The following ELAVL2 variants were observed in gnomAD, a reference collection of about 807,000 sequenced individuals.
The protein encoded by ELAVL2 is ELAV like RNA binding protein 2.
In ELAVL2, 4 loss-of-function variants were observed where a neutral mutation model predicts 34.6. That is an observed-to-expected ratio of 0.12 (90% CI 0.06 to 0.26). ELAVL2 has a LOEUF of 0.26. Ranked by LOEUF, ELAVL2 falls within the 10% of genes least tolerant of loss-of-function variation. The probability of loss-of-function intolerance (pLI) is 1.00; values close to 1 mark genes in which losing one functional copy is unlikely to be tolerated. For synonymous variants in ELAVL2, 193 were observed against 154.8 expected, an observed-to-expected ratio of 1.25 and a Z score of -1.83; for missense variants, 432 against 442.8, an observed-to-expected ratio of 0.98 and a Z score of 0.22.
At chr9:23,783,506 T>G in intron 1 of ELAVL2, 1 of 985,428 alleles carries the variant, frequency 1.0e-6, no homozygotes, top group Non-Finnish European at 1.2e-6. Context: ...AATAAAGGCA[T>G]CAGGAATTCT....
At chr9:23,755,445 C>A (rs1038437893) in intron 2 of ELAVL2, among the ~76,000 whole-genome samples, 1 of 151,906 alleles carries the variant, frequency 6.6e-6, no homozygotes, top group Non-Finnish European at 1.5e-5. Flanking sequence ...AGTGATAACA[C>A]CAAATTTTTT....
chr9:23,720,947 CA>C (rs1033693078), intron 3 of ELAVL2, among the ~76,000 whole-genome samples: 35 of 152,120 alleles, frequency 2.3e-4, no homozygotes, highest in African/African-American at 8.0e-4. Context: ...TCAACCACCC[CA>C]CCCCACTGAT....
chr9:23,720,708 C>T (rs1010216546), intron 3 of ELAVL2, among the ~76,000 whole-genome samples: 5 of 151,700 alleles, frequency 3.3e-5, no homozygotes, highest in South Asian at 2.1e-4. Context: ...TTGATGTAAC[C>T]GACAAATGAA....
chr9:23,781,518 CTTTTTT>C (rs34293408), intron 1 of ELAVL2, among the ~76,000 whole-genome samples: 19 of 135,812 alleles, frequency 1.4e-4, no homozygotes, highest in African/African-American at 4.9e-4. Flanking sequence ...TTTTTCTTTC[CTTTTTT>C]TTTTTTTTTT....
At chr9:23,773,127 CAAAGTGAGGA>C (rs1161708259) in intron 1 of ELAVL2, among the ~76,000 whole-genome samples, 1 of 152,042 alleles carries the variant, frequency 6.6e-6, no homozygotes, top group African/African-American at 2.4e-5. Context: ...TCAGTGATTC[CAAAGTGAGGA>C]AAGGGTTGCT....
intron 2 of ELAVL2, among the ~76,000 whole-genome samples, chr9:23,755,725 C>T (rs573489222): frequency 6.6e-6 from 1 of 152,244 alleles, no homozygotes; most frequent in South Asian, 2.1e-4. Context: ...ATCTCCTTTC[C>T]TACAGACCTA....
At chr9:23,799,470 C>A (rs1338286837) in intron 1 of ELAVL2, among the ~76,000 whole-genome samples, 1 of 152,222 alleles carries the variant, frequency 6.6e-6, no homozygotes. Context: ...TGTACTCTTA[C>A]TCCACCCCAC....
At chr9:23,724,388 T>C (rs1002725944) in intron 3 of ELAVL2, among the ~76,000 whole-genome samples, 11 of 152,132 alleles carry the variant, frequency 7.2e-5, no homozygotes, top group Non-Finnish European at 1.6e-4. Context: ...CAATTAACTC[T>C]CACTTTGGAG....
intron 2 of ELAVL2, among the ~76,000 whole-genome samples, chr9:23,740,297 G>A (rs1213945330): frequency 1.3e-5 from 2 of 152,148 alleles, no homozygotes; most frequent in Non-Finnish European, 2.9e-5. Context: ...TCACCACAAG[G>A]CTACATGTAA....
chr9:23,771,899 C>T (rs1368715929), intron 1 of ELAVL2, among the ~76,000 whole-genome samples: 1 of 152,192 alleles, frequency 6.6e-6, no homozygotes, highest in Non-Finnish European at 1.5e-5. Flanking sequence ...CTGGAATACA[C>T]TAAATCATTA....
At chr9:23,766,396 T>C (rs577317181) in intron 1 of ELAVL2, among the ~76,000 whole-genome samples, 1 of 152,160 alleles carries the variant, frequency 6.6e-6, no homozygotes, top group Non-Finnish European at 1.5e-5. Flanking sequence ...TAAGACTACA[T>C]GAGCAGGACC....
In ELAVL2 at chr9:23,719,823, C is replaced by CTT. The variant is rs201455930; in HGVS notation, c.333+11197_333+11198dup. 2.6e-3 allele frequency among the ~76,000 whole-genome samples: 336 copies of CTT among 130,486 alleles called. 3 individuals carry two copies. The highest frequency in any genetic ancestry group is 5.3e-3 in the East Asian group (24 of 4,506). The allele number at this position is 130,486 out of a possible 152,430, so 85.6% of individuals were successfully genotyped here. ...AATTTTTATTAAATTTTAAAAGCCA[C>CTT]TTTTTTTTTTTTTTTTTTGAGATGG... On this transcript the variant is annotated intron_variant, in intron 3 of 6. Coordinates refer to ENST00000397312, the MANE Select transcript of ELAVL2 (RefSeq NM_004432.5).
Position 23,762,157 on chromosome 9 carries a change from C to T in ELAVL2, c.78G>A (p.Ser26=), listed in dbSNP as rs1453909653. 1.9e-5 allele frequency: 31 copies of T among 1,613,598 alleles called. No individual in the cohort carries two copies. The highest frequency in any genetic ancestry group is 6.7e-5 in the East Asian group (3 of 44,874). The change falls in exon 2 of 7, where the codon TCG becomes TCA. Residue 26 remains serine (S), a synonymous_variant. Coordinates refer to ENST00000397312, the MANE Select transcript of ELAVL2 (RefSeq NM_004432.5). ...CTGTGTTCCCAGAGTCAACTGGTGACGAACAGTTGTTGTTTATGGTGGTTG... is the reference window on the plus strand; with the variant it reads ...CTGTGTTCCCAGAGTCAACTGGTGATGAACAGTTGTTGTTTATGGTGGTTG... ...NGPTTINNNC[S]SPVDSGNTED... is the part of the protein sequence containing the mutation.
In ELAVL2 at chr9:23,712,906, G is replaced by A. The variant is rs138813862; in HGVS notation, c.334-7835C>T. Among the ~76,000 whole-genome samples the A allele has an allele frequency of 4.8e-4, 73 of 152,282 alleles. No individual in the cohort carries two copies. The East Asian group carries it at 0.01, about 22-fold the overall frequency. ...GAATAGCCACAGAAAAATAAAAAGT[G>A]TTTTGGCTGTAAGAACTGTATATCA... On this transcript the variant is annotated intron_variant, in intron 3 of 6. Coordinates refer to ENST00000397312, the MANE Select transcript of ELAVL2 (RefSeq NM_004432.5).
At position 23,704,356 on chromosome 9, in the gene ELAVL2, T is replaced by C. The variant is rs777414484; in HGVS notation, c.487+562A>G. 5.3e-5 allele frequency among the ~76,000 whole-genome samples: 8 copies of C among 152,316 alleles called. No individual in the cohort carries two copies. In the Middle Eastern group the frequency reaches 0.01, roughly 194 times the overall value. ...AACAACTCCCTTACATTCAAGAGTT[T>C]TAATGAACATTTTAGTCTTCCCATT... On this transcript the variant is annotated intron_variant, in intron 4 of 6. Coordinates refer to ENST00000397312, the MANE Select transcript of ELAVL2 (RefSeq NM_004432.5).
At chr9:23,756,319 C>T (rs2053547944) in intron 2 of ELAVL2, among the ~76,000 whole-genome samples, 1 of 152,130 alleles carries the variant, frequency 6.6e-6, no homozygotes, top group Non-Finnish European at 1.5e-5. Context: ...TAATCAACAT[C>T]TCTTTGGGCC....
At chr9:23,729,931 T>C (rs558602733) in intron 3 of ELAVL2, among the ~76,000 whole-genome samples, 1 of 152,154 alleles carries the variant, frequency 6.6e-6, no homozygotes, top group South Asian at 2.1e-4. Flanking sequence ...AGATGGATAC[T>C]ACAGTCAGCC....
chr9:23,842,549 A>G, the ELAVL2 span, among the ~76,000 whole-genome samples: 3 of 152,112 alleles, frequency 2.0e-5, no homozygotes, highest in East Asian at 1.9e-4. Flanking sequence ...TTTAGAATTT[A>G]TCAATATATA....
intron 3 of ELAVL2, among the ~76,000 whole-genome samples, chr9:23,719,851 G>A (rs370726617): frequency 6.9e-6 from 1 of 144,846 alleles, no homozygotes; most frequent in Non-Finnish European, 1.5e-5. Context: ...TGAGATGGGA[G>A]TTTTGCTCTT....
Sources: allele counts gnomAD v4.1 joint callset (sites outside exome capture counted in the v4.1 genomes callset), GRCh38; gene constraint gnomAD v4.1.1; transcripts MANE v1.5; gene names NCBI Gene and HGNC (gene_info 2026-07-23, HGNC 2026-07-21).